Variants in NKAIN3 observed in about 807,000 individuals in gnomAD.
The protein encoded by NKAIN3 is sodium/potassium transporting ATPase interacting 3.
A neutral mutation model predicts 30.2 loss-of-function variants in NKAIN3; 25 were observed. The ratio of observed to expected loss-of-function variants is 0.83; its 90% CI spans 0.60 to 1.16. The LOEUF (loss-of-function observed/expected upper bound fraction) is 1.16. Among genes scored for constraint, NKAIN3 ranks in the 50% most tolerant of loss-of-function variants. The probability of loss-of-function intolerance (pLI) is 0.00; values close to 1 mark genes in which losing one functional copy is unlikely to be tolerated. For missense variants in NKAIN3, 225 were observed against 254.1 expected, an observed-to-expected ratio of 0.89 and a Z score of 0.78; for synonymous variants, 91 against 89.6, an observed-to-expected ratio of 1.02 and a Z score of -0.09.
intron 1 of NKAIN3, among the ~76,000 whole-genome samples, chr8:62,519,838 A>C (rs1808102249): frequency 6.6e-6 from 1 of 152,154 alleles, no homozygotes; most frequent in South Asian, 2.1e-4. Context: ...GCCTTAGAGT[A>C]CAAGACTCAA....
chr8:62,804,664 G>C (rs1052998659), intron 4 of NKAIN3, among the ~76,000 whole-genome samples: 1 of 152,090 alleles, frequency 6.6e-6, no homozygotes, highest in Non-Finnish European at 1.5e-5. Flanking sequence ...AATAATAAGA[G>C]CTATCTATGA....
At position 62,436,800 on chromosome 8, in the gene NKAIN3, A is replaced by C. The variant is rs576907501; in HGVS notation, c.55-142739A>C. On this transcript the variant is annotated intron_variant, in intron 1 of 6. Coordinates refer to ENST00000623646, the MANE Select transcript of NKAIN3 (RefSeq NM_001304533.3). The stretch of plus-strand genomic sequence containing the variant: ...TCAATGTGATGTCCTAGGTTAAGGA[A>C]GAAGTGCATTTTTCATGTTTCTCAA... Among the ~76,000 whole-genome samples, 9 of 152,286 alleles carry C rather than the reference A, an allele frequency of 5.9e-5. No individual in the cohort carries two copies. The South Asian group carries it at 1.4e-3, about 25-fold the overall frequency.
At chr8:62,369,899 A>G (rs533627062) in intron 1 of NKAIN3, among the ~76,000 whole-genome samples, 31 of 152,000 alleles carry the variant, frequency 2.0e-4, no homozygotes, top group Middle Eastern at 6.8e-3. Flanking sequence ...CTTACTGCTT[A>G]TGGCATTCCA....
chr8:62,572,184 A>G (rs1404388987), intron 1 of NKAIN3, among the ~76,000 whole-genome samples: 4 of 152,242 alleles, frequency 2.6e-5, no homozygotes, highest in South Asian at 2.1e-4. Context: ...CTGCTTAGAA[A>G]TTTCTTCCAT....
intron 1 of NKAIN3, among the ~76,000 whole-genome samples, chr8:62,295,847 A>G (rs1423536738): frequency 1.3e-5 from 2 of 152,196 alleles, no homozygotes; most frequent in African/African-American, 4.8e-5. Flanking sequence ...GCTACTTTAG[A>G]CCAGCAAATT....
chr8:62,584,992 A>G (rs1037157801), intron 2 of NKAIN3, among the ~76,000 whole-genome samples: 4 of 152,198 alleles, frequency 2.6e-5, no homozygotes, highest in Non-Finnish European at 5.9e-5. Flanking sequence ...TTAATACTTG[A>G]TTGGGCAAAC....
chr8:62,869,905 G>A (rs1327625406), intron 4 of NKAIN3, among the ~76,000 whole-genome samples: 4 of 152,076 alleles, frequency 2.6e-5, no homozygotes, highest in African/African-American at 9.7e-5. Flanking sequence ...AAGTGGCTGG[G>A]ACTACAGGCA....
intron 1 of NKAIN3, among the ~76,000 whole-genome samples, chr8:62,382,446 A>G (rs1470781576): frequency 6.6e-6 from 1 of 152,058 alleles, no homozygotes; most frequent in Non-Finnish European, 1.5e-5. Flanking sequence ...GCATAATTTT[A>G]CAGAAATTTG....
intron 3 of NKAIN3, among the ~76,000 whole-genome samples, chr8:62,692,035 G>T (rs1193735712): frequency 6.6e-6 from 1 of 152,108 alleles, no homozygotes; most frequent in Non-Finnish European, 1.5e-5. Context: ...TAATGATCTT[G>T]GCTTTTCTCG....
intron 4 of NKAIN3, among the ~76,000 whole-genome samples, chr8:62,869,425 G>A (rs1820523386): frequency 6.6e-6 from 1 of 152,170 alleles, no homozygotes; most frequent in Admixed American, 6.5e-5. Flanking sequence ...AACATGCGGT[G>A]TTTGGTTTTC....
chr8:62,339,028 G>C (rs763161874), intron 1 of NKAIN3, among the ~76,000 whole-genome samples: 3 of 151,968 alleles, frequency 2.0e-5, no homozygotes, highest in Non-Finnish European at 4.4e-5. Flanking sequence ...TCAGAGAGAG[G>C]CTCTCTGCTC....
intron 4 of NKAIN3, among the ~76,000 whole-genome samples, chr8:62,893,106 A>C (rs534837351): frequency 1.3e-5 from 2 of 152,300 alleles, no homozygotes; most frequent in Non-Finnish European, 1.5e-5. Flanking sequence ...CACTGAATCA[A>C]CTTCTCCAGA....
intron 1 of NKAIN3, among the ~76,000 whole-genome samples, chr8:62,374,938 A>G (rs1206713328): frequency 6.6e-6 from 1 of 152,182 alleles, no homozygotes; most frequent in Non-Finnish European, 1.5e-5. Context: ...CTGTGGCAAC[A>G]TTTGCACAAT....
rs1014961589 is a variant in NKAIN3 at position 62,378,472 on chromosome 8, G to A, written c.54+129345G>A. ...CCAGAGCATGTCAGAGAGCTTTGCG[G>A]CATCACTTCCCATCACAGGCCTGGA... is the stretch of plus-strand genomic sequence containing the variant. On this transcript the variant is annotated intron_variant, in intron 1 of 6. Coordinates refer to ENST00000623646, the MANE Select transcript of NKAIN3 (RefSeq NM_001304533.3). Among the ~76,000 whole-genome samples the A allele has an allele frequency of 1.3e-5, 2 of 152,200 alleles. 1 individual carries two copies. Among genetic ancestry groups the A allele is most frequent in the South Asian group, 4.1e-4 (2 of 4,834 alleles).
chr8:62,882,311 T>C (rs995298376), intron 4 of NKAIN3, among the ~76,000 whole-genome samples: 2 of 152,150 alleles, frequency 1.3e-5, no homozygotes, highest in African/African-American at 4.8e-5. Flanking sequence ...TATTTATTTA[T>C]TTATTATTTA....
intron 3 of NKAIN3, among the ~76,000 whole-genome samples, chr8:62,673,356 G>A (rs1813370351): frequency 1.3e-5 from 2 of 152,148 alleles, no homozygotes; most frequent in African/African-American, 4.8e-5. Context: ...AAAGCAGAAT[G>A]TACAGTAATG....
intron 4 of NKAIN3, among the ~76,000 whole-genome samples, chr8:62,842,005 G>C (rs1819543848): frequency 6.6e-6 from 1 of 151,918 alleles, no homozygotes; most frequent in Non-Finnish European, 1.5e-5. Context: ...CCATTCTATT[G>C]GGTATAAATA....
chr8:62,271,120 A>G (rs1305308624), intron 1 of NKAIN3, among the ~76,000 whole-genome samples: 3 of 152,226 alleles, frequency 2.0e-5, no homozygotes, highest in Non-Finnish European at 4.4e-5. Flanking sequence ...AGTTAGAAAT[A>G]ATATAGAGAG....
chr8:62,664,025 C>T (rs1462170105), intron 3 of NKAIN3, among the ~76,000 whole-genome samples: 1 of 151,986 alleles, frequency 6.6e-6, no homozygotes, highest in Non-Finnish European at 1.5e-5. Flanking sequence ...TATATCTGGG[C>T]CCTACCCTGA....
Sources: allele counts gnomAD v4.1 joint callset (sites outside exome capture counted in the v4.1 genomes callset), GRCh38; gene constraint gnomAD v4.1.1; transcripts MANE v1.5; gene names NCBI Gene and HGNC (gene_info 2026-07-23, HGNC 2026-07-21).